Variants in HNF4G observed in about 807,000 individuals in gnomAD.
The protein encoded by HNF4G is hepatocyte nuclear factor 4-gamma.
A neutral mutation model predicts 50.9 loss-of-function variants in HNF4G; 21 were observed. The observed-to-expected ratio is 0.41, with a 90% CI of 0.29 to 0.59. The LOEUF is 0.59. Among genes scored for constraint, HNF4G ranks in the 20% least tolerant of loss-of-function variants. The probability of loss-of-function intolerance (pLI) is 0.26; values close to 1 mark genes in which losing one functional copy is unlikely to be tolerated. For missense variants in HNF4G, 527 were observed against 559.4 expected (o/e 0.94, Z 0.58); for synonymous variants, 198 against 185.6 (o/e 1.07, Z -0.54).
intron 2 of HNF4G, among the ~76,000 whole-genome samples, chr8:75,517,085 C>T (rs1805906412): frequency 6.6e-6 from 1 of 152,120 alleles, no homozygotes; most frequent in African/African-American, 2.4e-5. Context: ...AGGGAACTAA[C>T]TCCCCTTTAT....
chr8:75,485,426 A>C (rs1486796683), intron 1 of HNF4G, among the ~76,000 whole-genome samples: 1 of 152,192 alleles, frequency 6.6e-6, no homozygotes, highest in African/African-American at 2.4e-5. Flanking sequence ...CAATGTCATA[A>C]ATATATTTTA....
chr8:75,418,378 CA>C, intron 1 of HNF4G, among the ~76,000 whole-genome samples: 1 of 152,266 alleles, frequency 6.6e-6, no homozygotes, highest in Non-Finnish European at 1.5e-5. Flanking sequence ...AATAACAGGG[CA>C]ACCATAAAAT....
chr8:75,454,802 C>G lies in HNF4G; in HGVS notation c.-143-35287C>G, dbSNP rs536983104. The stretch of plus-strand genomic sequence containing the variant: ...ATATTTAGTTATTTTTGTGGTATCC[C>G]TGTTGCTTACCAGAATAAGGTCCAT... On this transcript the variant is annotated intron_variant, in intron 1 of 10. Coordinates refer to the HNF4G transcript ENST00000354370. 4.6e-5 allele frequency among the ~76,000 whole-genome samples: 7 copies of G among 152,248 alleles called. No homozygotes were observed. In the East Asian group the frequency reaches 5.8e-4, roughly 13 times the overall value.
chr8:75,495,501 G>GT (rs1235550416), intron 2 of HNF4G: 10 of 151,160 alleles, frequency 6.6e-5, no homozygotes, highest in Non-Finnish European at 1.5e-4. Context: ...TATGAGGCAA[G>GT]TGTGATAACA....
At chr8:75,520,741 G>A (rs1057266218) in intron 2 of HNF4G, among the ~76,000 whole-genome samples, 2 of 152,110 alleles carry the variant, frequency 1.3e-5, no homozygotes, top group East Asian at 3.9e-4. Context: ...CCCAGCCTAT[G>A]ATTTTACTTT....
At chr8:75,464,701 G>A (rs902715385) in intron 1 of HNF4G, among the ~76,000 whole-genome samples, 1 of 152,130 alleles carries the variant, frequency 6.6e-6, no homozygotes, top group Non-Finnish European at 1.5e-5. Context: ...AATAATGTGA[G>A]ATATTAGAGA....
chr8:75,486,727 G>T (rs530079357), intron 1 of HNF4G, among the ~76,000 whole-genome samples: 1 of 152,210 alleles, frequency 6.6e-6, no homozygotes, highest in Non-Finnish European at 1.5e-5. Context: ...TGAGTAGCCA[G>T]GCATGGTGGC....
At chr8:75,473,262 A>T (rs1382104205) in intron 1 of HNF4G, among the ~76,000 whole-genome samples, 6 of 151,528 alleles carry the variant, frequency 4.0e-5, no homozygotes, top group Admixed American at 6.6e-5. Context: ...GCCCCACTGC[A>T]CTCCAGCCTG....
At chr8:75,462,582 G>A (rs1811880428) in intron 1 of HNF4G, among the ~76,000 whole-genome samples, 2 of 152,162 alleles carry the variant, frequency 1.3e-5, no homozygotes, top group African/African-American at 4.8e-5. Flanking sequence ...AACTGCAACT[G>A]CAGAAAACGA....
chr8:75,484,909 T>C (rs1244474019), intron 1 of HNF4G, among the ~76,000 whole-genome samples: 1 of 152,190 alleles, frequency 6.6e-6, no homozygotes, highest in Admixed American at 6.6e-5. Flanking sequence ...GGAAACTAAA[T>C]TGTAAAGGAA....
intron 1 of HNF4G, among the ~76,000 whole-genome samples, chr8:75,440,422 T>A (rs1426758563): frequency 6.6e-6 from 1 of 152,198 alleles, no homozygotes; most frequent in Non-Finnish European, 1.5e-5. Flanking sequence ...TTTTAATGAA[T>A]TTTTAGCTTT....
At chr8:75,523,878 T>C (rs1444654790) in intron 2 of HNF4G, among the ~76,000 whole-genome samples, 1 of 151,976 alleles carries the variant, frequency 6.6e-6, no homozygotes, top group African/African-American at 2.4e-5. Flanking sequence ...CTTATCTTTA[T>C]CAAATAATAT....
chr8:75,560,080 G>A (rs59845720), intron 8 of HNF4G, among the ~76,000 whole-genome samples: 9,492 of 152,172 alleles, frequency 0.062, 345 homozygotes, highest in Non-Finnish European at 0.083. Flanking sequence ...AACAGGCAGC[G>A]AACCTAATGA....
upstream of HNF4G, among the ~76,000 whole-genome samples, chr8:75,539,554 T>A (rs944697371): frequency 6.6e-6 from 1 of 152,222 alleles, no homozygotes; most frequent in Non-Finnish European, 1.5e-5. Context: ...ATATGAGGTA[T>A]GTGATTTCAG....
At chr8:75,530,880 C>T (rs573012406) in intron 2 of HNF4G, among the ~76,000 whole-genome samples, 84 of 150,306 alleles carry the variant, frequency 5.6e-4, no homozygotes, top group African/African-American at 2.0e-3. Flanking sequence ...GCAACCTCTG[C>T]CTCCTGGGTT....
intron 1 of HNF4G, among the ~76,000 whole-genome samples, chr8:75,423,087 G>A (rs751429444): frequency 9.2e-5 from 14 of 151,896 alleles, no homozygotes; most frequent in Admixed American, 8.5e-4. Context: ...TTCAACACTT[G>A]GTCTTTCTTC....
At chr8:75,445,764 G>C (rs1328498244) in intron 1 of HNF4G, among the ~76,000 whole-genome samples, 2 of 145,150 alleles carry the variant, frequency 1.4e-5, no homozygotes, top group Non-Finnish European at 3.0e-5. Flanking sequence ...CCAATAACAG[G>C]AGCTGAAATT....
chr8:75,420,064 T>A (rs1189547677), intron 1 of HNF4G, among the ~76,000 whole-genome samples: 1 of 152,022 alleles, frequency 6.6e-6, no homozygotes, highest in African/African-American at 2.4e-5. Flanking sequence ...CAGAACTAGG[T>A]TAAAAAAAAA....
intron 6 of HNF4G, among the ~76,000 whole-genome samples, chr8:75,556,595 G>T (rs151112126): frequency 2.3e-4 from 35 of 152,212 alleles, no homozygotes; most frequent in African/African-American, 8.2e-4. Flanking sequence ...TAATAGGTGT[G>T]GGGTGGTGGG....
Sources: allele counts gnomAD v4.1 joint callset (sites outside exome capture counted in the v4.1 genomes callset), GRCh38; gene constraint gnomAD v4.1.1; transcripts MANE v1.5; gene names NCBI Gene and HGNC (gene_info 2026-07-23, HGNC 2026-07-21).